PYHIN1: variants seen among roughly 807,000 people sequenced by gnomAD.
PYHIN1 encodes pyrin and HIN domain-containing protein 1.
In PYHIN1, 32 loss-of-function variants were observed where a neutral mutation model predicts 43.7. The observed-to-expected ratio is 0.73, with a 90% CI of 0.55 to 0.98. PYHIN1 has a LOEUF of 0.98. PYHIN1 is among the 50% of genes least tolerant of loss of function. PYHIN1 has a pLI of 0.00. For synonymous variants in PYHIN1, 205 were observed against 203.1 expected (o/e 1.01, Z -0.08); for missense variants, 588 against 589.5 (o/e 1.00, Z 0.03).
intron 7 of PYHIN1, among the ~76,000 whole-genome samples, chr1:158,962,049 G>A (rs1159953021): frequency 3.3e-5 from 5 of 152,216 alleles, no homozygotes; most frequent in African/African-American, 1.2e-4. Flanking sequence ...CCCAGAGGGA[G>A]AGGAAGCCCA....
At chr1:158,967,003 C>T (rs942111779) in intron 7 of PYHIN1, among the ~76,000 whole-genome samples, 4 of 152,136 alleles carry the variant, frequency 2.6e-5, no homozygotes, top group African/African-American at 9.7e-5. Flanking sequence ...TCATAAACAA[C>T]TTCAGCAAAG....
chr1:158,936,876 ATTTT>A lies in PYHIN1; in HGVS notation c.-20-13_-20-10del. The A allele has an allele frequency of 6.6e-7, 1 of 1,521,330 alleles. No individual in the cohort carries two copies. Among genetic ancestry groups the A allele is most frequent in the Non-Finnish European group, 8.8e-7 (1 of 1,133,934 alleles). 94.2% of individuals were successfully genotyped at this position (1,521,330 alleles called of 1,614,324 possible). ...GTATACATGTGTAACACTATATACC[ATTTT>A]TCTCTTGCAGGCTCACTTATATCTT... On this transcript the variant is annotated splice_polypyrimidine_tract_variant and intron_variant, in intron 1 of 8. Transcript: ENST00000368140.
chr1:158,949,934 G>A (rs1649441133), intron 7 of PYHIN1, among the ~76,000 whole-genome samples: 1 of 152,188 alleles, frequency 6.6e-6, no homozygotes, highest in South Asian at 2.1e-4. Flanking sequence ...GCCACAATTG[G>A]GTTTGGGCAG....
intron 7 of PYHIN1, among the ~76,000 whole-genome samples, chr1:158,955,193 T>C (rs370969864): frequency 2.0e-4 from 30 of 151,696 alleles, no homozygotes; most frequent in African/African-American, 5.3e-4. Context: ...GACAGATCAA[T>C]GAGACAGAAA....
chr1:158,969,860 T>A (rs201466591), intron 7 of PYHIN1, among the ~76,000 whole-genome samples: 1 of 151,850 alleles, frequency 6.6e-6, no homozygotes, highest in Non-Finnish European at 1.5e-5. Context: ...TAAACTCCCT[T>A]AATACAATAA....
chr1:158,985,502 A>T, the PYHIN1 span, among the ~76,000 whole-genome samples: 15 of 152,158 alleles, frequency 9.9e-5, no homozygotes, highest in Non-Finnish European at 1.8e-4. Flanking sequence ...GGCTTGAAAA[A>T]TTTCTGCTGA....
chr1:158,938,228 T>C (rs1002351501), intron 2 of PYHIN1, among the ~76,000 whole-genome samples, 169 bp from the exon 3 acceptor site: 1 of 152,158 alleles, frequency 6.6e-6, no homozygotes, highest in Non-Finnish European at 1.5e-5. Context: ...TTTGTGCCTT[T>C]GTTTCTCCTG....
intron 7 of PYHIN1, among the ~76,000 whole-genome samples, chr1:158,967,712 A>G (rs2101724364): frequency 6.6e-6 from 1 of 152,284 alleles, no homozygotes; most frequent in African/African-American, 2.4e-5. Context: ...GGTTACAGTA[A>G]CCAAAAGAGC....
chr1:158,949,398 A>G (rs554731904), intron 7 of PYHIN1, among the ~76,000 whole-genome samples: 4 of 152,138 alleles, frequency 2.6e-5, no homozygotes, highest in Non-Finnish European at 5.9e-5. Context: ...TTTTATTATT[A>G]TACTTTAAGT....
chr1:158,979,880 T>A (rs1651429161), downstream of PYHIN1, among the ~76,000 whole-genome samples: 1 of 152,180 alleles, frequency 6.6e-6, no homozygotes, highest in Non-Finnish European at 1.5e-5. Flanking sequence ...TTCACCCTCC[T>A]CCCACCCTCG....
At position 158,936,994 on chromosome 1, in the gene PYHIN1, A is replaced by C; in HGVS notation, c.84A>C (p.Leu28Phe). The change falls in exon 2 of 9, where the codon TTA becomes TTC. Residue 28 changes from leucine to phenylalanine, a missense_variant. Transcript: ENST00000368140. ...ATCATTTTAGAATTGTTAAGTCCTTACTGAGTAACGATTTAAAACTTAATC... is the reference window on the plus strand; with the variant it reads ...ATCATTTTAGAATTGTTAAGTCCTTCCTGAGTAACGATTTAAAACTTAATC... ...NDYHFRIVKS[L>F]LSNDLKLNPK... The C allele has an allele frequency of 1.2e-6, 2 of 1,613,730 alleles. No individual in the cohort carries two copies. Among genetic ancestry groups the C allele is most frequent in the Non-Finnish European group, 1.7e-6 (2 of 1,179,608 alleles).
downstream of PYHIN1, among the ~76,000 whole-genome samples, chr1:158,979,318 G>GC (rs1651404334): frequency 6.6e-6 from 1 of 152,030 alleles, no homozygotes; most frequent in Admixed American, 6.6e-5. Flanking sequence ...CCTTCCTCCA[G>GC]CCCCAGCTAA....
intron 4 of PYHIN1, among the ~76,000 whole-genome samples, chr1:158,940,599 T>TA (rs943536708): frequency 2.3e-4 from 35 of 152,284 alleles, no homozygotes; most frequent in Admixed American, 1.4e-3. Flanking sequence ...GCTTTATTAT[T>TA]AAAAAAATGT....
In PYHIN1 at chr1:158,934,268, A is replaced by G. The variant is rs536343049; in HGVS notation, c.-21+2492A>G. ...TATTTGTGTTTAAGTGGAATAAATA[A>G]AAATCATACATAGCCTTCTGTAAGC... is the stretch of plus-strand genomic sequence containing the variant. On this transcript the variant is annotated intron_variant, in intron 1 of 8. Transcript: ENST00000368140. Among the ~76,000 whole-genome samples, 157 of 152,336 alleles carry G rather than the reference A, an allele frequency of 1.0e-3. 1 individual carries two copies. Among genetic ancestry groups the G allele is most frequent in the African/African-American group, 3.7e-3 (153 of 41,572 alleles).
At chr1:158,960,787 A>C (rs1650274523) in intron 7 of PYHIN1, among the ~76,000 whole-genome samples, 1 of 152,216 alleles carries the variant, frequency 6.6e-6, no homozygotes, top group African/African-American at 2.4e-5. Flanking sequence ...ACTCTGAGAA[A>C]ATTTTTTTAA....
rs762187461 is a variant in PYHIN1 at position 158,939,174 on chromosome 1, C to G, written c.506C>G (p.Thr169Arg). 3 of 1,613,858 alleles carry G rather than the reference C, an allele frequency of 1.9e-6. No individual in the cohort carries two copies. Among genetic ancestry groups the G allele is most frequent in the Middle Eastern group, 1.6e-4 (1 of 6,084 alleles). Residue 169 changes from threonine to arginine, a missense_variant, in exon 4 of 9, where the codon ACG becomes AGG. Transcript: ENST00000368140. ...CCTTCCTGCTCTGCAGGAGCCAGCACGTCCACAGCCATGGGCCGTTCCCCA... is the reference window on the plus strand; with the variant it reads ...CCTTCCTGCTCTGCAGGAGCCAGCAGGTCCACAGCCATGGGCCGTTCCCCA... ...TRPSCSAGASTSTAMGRSPPP... is the reference protein window; with the variant it reads ...TRPSCSAGASRSTAMGRSPPP...
chr1:158,989,123 T>C, the PYHIN1 span, among the ~76,000 whole-genome samples: 6,259 of 152,298 alleles, frequency 0.041, 352 homozygotes, highest in East Asian at 0.26. Context: ...TGGCAGATCA[T>C]AGTATTTTAA....
chr1:158,975,533 A>C (rs183735347), intron 8 of PYHIN1, among the ~76,000 whole-genome samples: 1 of 152,250 alleles, frequency 6.6e-6, no homozygotes, highest in Non-Finnish European at 1.5e-5. Context: ...ATAGTCTTTA[A>C]ATAACAATGA....
At chr1:158,975,087 T>C (rs1310962582) in intron 8 of PYHIN1, among the ~76,000 whole-genome samples, 1 of 152,012 alleles carries the variant, frequency 6.6e-6, no homozygotes, top group African/African-American at 2.4e-5. Context: ...CTATGTCTCC[T>C]ACACCTAACC....
Sources: allele counts gnomAD v4.1 joint callset (sites outside exome capture counted in the v4.1 genomes callset), GRCh38; gene constraint gnomAD v4.1.1; transcripts MANE v1.5; gene names NCBI Gene and HGNC (gene_info 2026-07-23, HGNC 2026-07-21).